The following SPOCK3 variants were observed in gnomAD, a reference collection of about 807,000 sequenced individuals.
SPOCK3 encodes testican-3.
SPOCK3 carries 30 observed loss-of-function variants against 56.6 expected under a neutral mutation model. That is an observed-to-expected ratio of 0.53 (90% CI 0.40 to 0.72). The LOEUF is 0.72. Ranked by LOEUF, SPOCK3 falls within the 30% of genes least tolerant of loss-of-function variation. The pLI is 0.00. For missense variants in SPOCK3, 527 were observed against 530.0 expected (o/e 0.99, Z 0.06); for synonymous variants, 196 against 183.3 (o/e 1.07, Z -0.56).
At chr4:167,025,417 G>A (rs1751608533) in intron 3 of SPOCK3, among the ~76,000 whole-genome samples, 1 of 151,818 alleles carries the variant, frequency 6.6e-6, no homozygotes, top group Admixed American at 6.6e-5. Context: ...CTATACCTGT[G>A]GCCTTAAATA....
chr4:167,223,832 T>C (rs967211764), intron 2 of SPOCK3, among the ~76,000 whole-genome samples: 2 of 152,082 alleles, frequency 1.3e-5, no homozygotes, highest in African/African-American at 4.8e-5. Context: ...GCATGTGATA[T>C]GCTGTATTAA....
intron 2 of SPOCK3, among the ~76,000 whole-genome samples, chr4:167,197,108 A>G (rs894881054): frequency 1.3e-5 from 2 of 152,142 alleles, no homozygotes; most frequent in Non-Finnish European, 2.9e-5. Flanking sequence ...GGGTGCATCT[A>G]CCAGGCTTGG....
At position 167,146,854 on chromosome 4, in the gene SPOCK3, A is replaced by G. The variant is rs145059226; in HGVS notation, c.190-84317T>C. ...ATAGCACTAAATGCCCACAAGAGAAAGCAGGAAAGATCTAAAACTGACACC... is the reference window on the plus strand; with the variant it reads ...ATAGCACTAAATGCCCACAAGAGAAGGCAGGAAAGATCTAAAACTGACACC... On this transcript the variant is annotated intron_variant, in intron 2 of 10. Transcript: ENST00000357545. Among the ~76,000 whole-genome samples the G allele has an allele frequency of 8.2e-3, 1,254 of 152,304 alleles. 18 individuals are homozygous for G. Among genetic ancestry groups the G allele is most frequent in the African/African-American group, 0.028 (1,172 of 41,576 alleles).
chr4:167,088,110 T>C (rs1758372299), intron 2 of SPOCK3, among the ~76,000 whole-genome samples: 1 of 152,132 alleles, frequency 6.6e-6, no homozygotes, highest in African/African-American at 2.4e-5. Flanking sequence ...TTCCGCAGGA[T>C]GATATATAAC....
chr4:167,083,806 A>G (rs1274501514), intron 2 of SPOCK3, among the ~76,000 whole-genome samples: 1 of 152,170 alleles, frequency 6.6e-6, no homozygotes, highest in Non-Finnish European at 1.5e-5. Flanking sequence ...AACATCAGTT[A>G]TAACACTGAA....
chr4:166,768,886 C>A (rs764454071), intron 7 of SPOCK3, among the ~76,000 whole-genome samples: 1 of 152,072 alleles, frequency 6.6e-6, no homozygotes, highest in Non-Finnish European at 1.5e-5. Context: ...TTGTTCATTT[C>A]TTTTTACCCT....
intron 7 of SPOCK3, among the ~76,000 whole-genome samples, chr4:166,769,431 T>C (rs563100198): frequency 6.0e-4 from 92 of 152,358 alleles, no homozygotes; most frequent in Admixed American, 1.6e-3. Context: ...TGCAGGTATG[T>C]TGGAGTTTGC....
intron 2 of SPOCK3, among the ~76,000 whole-genome samples, chr4:167,146,150 G>A (rs1300087377): frequency 2.0e-5 from 3 of 151,940 alleles, no homozygotes; most frequent in Admixed American, 1.3e-4. Flanking sequence ...AAAAAAGCAG[G>A]GGTTGCAACC....
intron 2 of SPOCK3, among the ~76,000 whole-genome samples, chr4:167,223,666 C>G (rs1416058085): frequency 2.6e-5 from 4 of 151,946 alleles, no homozygotes; most frequent in Non-Finnish European, 5.9e-5. Context: ...TTTTTAAAAA[C>G]TAGTCAGGCA....
chr4:167,030,688 C>A (rs1209441359), intron 3 of SPOCK3, among the ~76,000 whole-genome samples: 1 of 152,016 alleles, frequency 6.6e-6, no homozygotes, highest in Non-Finnish European at 1.5e-5. Context: ...TTAAATAAAC[C>A]TATGTGAATG....
chr4:167,212,236 G>C (rs772238821), intron 2 of SPOCK3, among the ~76,000 whole-genome samples: 1 of 151,600 alleles, frequency 6.6e-6, no homozygotes, highest in Admixed American at 6.6e-5. Flanking sequence ...TTTTAAAAAA[G>C]ATTTACTTTT....
At chr4:166,930,453 A>AT (rs1366761670) in intron 4 of SPOCK3, among the ~76,000 whole-genome samples, 1 of 151,256 alleles carries the variant, frequency 6.6e-6, no homozygotes, top group Non-Finnish European at 1.5e-5. Flanking sequence ...AGTCTTATGA[A>AT]ACTGACATAA....
chr4:166,838,399 G>GTA (rs1746854983), intron 6 of SPOCK3, among the ~76,000 whole-genome samples: 1 of 151,782 alleles, frequency 6.6e-6, no homozygotes, highest in Admixed American at 6.6e-5. Flanking sequence ...TGCTTAGATT[G>GTA]TATAATTTTA....
chr4:167,023,099 T>G (rs1751356061), intron 3 of SPOCK3, among the ~76,000 whole-genome samples: 1 of 151,986 alleles, frequency 6.6e-6, no homozygotes, highest in African/African-American at 2.4e-5. Flanking sequence ...GGTTTTTCAC[T>G]TAGTCAATGC....
At chr4:167,031,809 G>A (rs1752303683) in intron 3 of SPOCK3, among the ~76,000 whole-genome samples, 1 of 151,942 alleles carries the variant, frequency 6.6e-6, no homozygotes, top group Admixed American at 6.6e-5. Flanking sequence ...GTATTCCAAT[G>A]ATAGACATGA....
chr4:166,765,859 T>C (rs932582823), intron 7 of SPOCK3, among the ~76,000 whole-genome samples: 1 of 152,236 alleles, frequency 6.6e-6, no homozygotes, highest in African/African-American at 2.4e-5. Flanking sequence ...CTCTTTTATT[T>C]TGTTGAGCAG....
chr4:166,776,069 G>C (rs929962485), intron 7 of SPOCK3, among the ~76,000 whole-genome samples: 3 of 152,066 alleles, frequency 2.0e-5, no homozygotes, highest in African/African-American at 7.2e-5. Flanking sequence ...AGTACTTTGT[G>C]ATGGAGAGAA....
chr4:167,069,190 CT>C (rs1756434168), intron 2 of SPOCK3, among the ~76,000 whole-genome samples: 1 of 151,900 alleles, frequency 6.6e-6, no homozygotes, highest in Admixed American at 6.6e-5. Context: ...ACTTGCGTGA[CT>C]AATAATATGT....
chr4:167,106,077 A>T lies in SPOCK3; in HGVS notation c.190-43540T>A, dbSNP rs78250400. Among the ~76,000 whole-genome samples the T allele has an allele frequency of 8.9e-3, 1,361 of 152,100 alleles. 10 individuals carry two copies. The highest frequency in any genetic ancestry group is 0.014 in the Non-Finnish European group (951 of 67,868). ...TCAGCACTGGACAGATCTCCCAGAT[A>T]GAAAATCAACAGAGAAACATCAGAC... On this transcript the variant is annotated intron_variant, in intron 2 of 10. Coordinates refer to ENST00000357545, the MANE Select transcript of SPOCK3 (RefSeq NM_001040159.2).
Sources: allele counts gnomAD v4.1 joint callset (sites outside exome capture counted in the v4.1 genomes callset), GRCh38; gene constraint gnomAD v4.1.1; transcripts MANE v1.5; gene names NCBI Gene and HGNC (gene_info 2026-07-23, HGNC 2026-07-21).